The following ARSB variants were observed in gnomAD, a reference collection of about 807,000 sequenced individuals.
ARSB encodes N-acetylgalactosamine-4-sulfatase.
A neutral mutation model predicts 50.9 loss-of-function variants in ARSB; 41 were observed. The observed-to-expected ratio is 0.81, with a 90% CI of 0.63 to 1.04. ARSB has a LOEUF of 1.04. Among genes scored for constraint, ARSB ranks in the 50% least tolerant of loss-of-function variants. The probability of loss-of-function intolerance (pLI) is 0.00; values close to 1 mark genes in which losing one functional copy is unlikely to be tolerated. For synonymous variants in ARSB, 269 were observed against 284.8 expected (o/e 0.94, Z 0.56); for missense variants, 672 against 693.3 (o/e 0.97, Z 0.35).
intron 5 of ARSB, chr5:78,884,978 T>C (rs774382319): frequency 6.6e-6 from 1 of 152,618 alleles, no homozygotes; most frequent in Non-Finnish European, 1.5e-5. Flanking sequence ...TATCACAACA[T>C]ACTTTTTTGC....
intron 4 of ARSB, among the ~76,000 whole-genome samples, chr5:78,945,219 C>T (rs912792229): frequency 4.6e-5 from 7 of 152,178 alleles, no homozygotes; most frequent in Non-Finnish European, 8.8e-5. Context: ...TGACCCCTTG[C>T]GCTTCCCGGG....
At chr5:78,961,645 A>C (rs1268862975) in intron 3 of ARSB, among the ~76,000 whole-genome samples, 1 of 152,176 alleles carries the variant, frequency 6.6e-6, no homozygotes, top group East Asian at 1.9e-4. Flanking sequence ...ATGTTATGGA[A>C]CCCTGTGAGG....
intron 5 of ARSB, among the ~76,000 whole-genome samples, chr5:78,882,631 A>C (rs1445219121): frequency 6.6e-6 from 1 of 152,212 alleles, no homozygotes; most frequent in Non-Finnish European, 1.5e-5. Context: ...TAGTGTTTGC[A>C]GTAAGTTTCT....
intron 1 of ARSB, among the ~76,000 whole-genome samples, chr5:78,981,303 T>A (rs1752894077): frequency 6.6e-6 from 1 of 152,168 alleles, no homozygotes; most frequent in Admixed American, 6.6e-5. Flanking sequence ...TGCTAATTAG[T>A]CTCCTCCATT....
chr5:78,792,471 C>T (rs147857154), intron 6 of ARSB, among the ~76,000 whole-genome samples: 1 of 152,170 alleles, frequency 6.6e-6, no homozygotes, highest in African/African-American at 2.4e-5. Flanking sequence ...CCTATGCCAT[C>T]ACTCTAGTTC....
intron 5 of ARSB, among the ~76,000 whole-genome samples, chr5:78,849,935 T>C (rs1745671988): frequency 6.6e-6 from 1 of 151,542 alleles, no homozygotes; most frequent in South Asian, 2.1e-4. Context: ...TTGCTGAAGT[T>C]GCTTATCAGC....
At chr5:78,800,297 G>A (rs1209429191) in intron 6 of ARSB, among the ~76,000 whole-genome samples, 2 of 149,286 alleles carry the variant, frequency 1.3e-5, no homozygotes, top group African/African-American at 5.0e-5. Flanking sequence ...CAGCCCGGGT[G>A]ACAGAGCAAG....
intron 1 of ARSB, among the ~76,000 whole-genome samples, chr5:78,983,645 G>T (rs1438136058): frequency 6.6e-6 from 1 of 152,128 alleles, no homozygotes; most frequent in African/African-American, 2.4e-5. Flanking sequence ...AAGGTGGATG[G>T]TGAAGGGAAG....
chr5:78,810,668 G>A (rs1580991586), intron 6 of ARSB, among the ~76,000 whole-genome samples: 1 of 152,314 alleles, frequency 6.6e-6, no homozygotes, highest in Non-Finnish European at 1.5e-5. Context: ...TATTTAGGAT[G>A]CATTTTAAGA....
At chr5:78,930,042 T>A (rs1435979383) in intron 4 of ARSB, among the ~76,000 whole-genome samples, 1 of 152,084 alleles carries the variant, frequency 6.6e-6, no homozygotes, top group Non-Finnish European at 1.5e-5. Flanking sequence ...ACAGATGTGA[T>A]CTGAATGCAC....
At chr5:78,883,287 G>T (rs1747852565) in intron 5 of ARSB, 1 of 152,156 alleles carries the variant, frequency 6.6e-6, no homozygotes, top group African/African-American at 2.4e-5. Context: ...TGAGAGAAAA[G>T]GTTTTACTGC....
chr5:78,913,121 C>CTTTTTTTTTT (rs11440743), intron 4 of ARSB, among the ~76,000 whole-genome samples: 1 of 140,084 alleles, frequency 7.1e-6, no homozygotes, highest in Admixed American at 7.1e-5. Context: ...TTTTAATTCG[C>CTTTTTTTTTT]TTTTTTTTTT....
intron 6 of ARSB, among the ~76,000 whole-genome samples, chr5:78,784,488 C>T (rs1021430355): frequency 5.9e-5 from 9 of 152,100 alleles, no homozygotes; most frequent in Non-Finnish European, 1.0e-4. Flanking sequence ...ACTATTCATC[C>T]ACAAAAAAGA....
intron 6 of ARSB, among the ~76,000 whole-genome samples, chr5:78,799,163 T>C (rs1743282924): frequency 6.6e-6 from 1 of 152,188 alleles, no homozygotes. Context: ...GCAATTGACT[T>C]AGAATGAAAT....
At chr5:78,980,744 G>GTGTGTGTGTGTGTGTGTGTGTA (rs57536545) in intron 1 of ARSB, among the ~76,000 whole-genome samples, 9 of 151,502 alleles carry the variant, frequency 5.9e-5, no homozygotes, top group African/African-American at 1.9e-4. Flanking sequence ...ATGTGTGTGT[G>GTGTGTGTGTGTGTGTGTGTGTA]TGTGTGTGTG....
At chr5:78,883,722 G>C (rs1193550449) in intron 5 of ARSB, 1 of 152,170 alleles carries the variant, frequency 6.6e-6, no homozygotes, top group Admixed American at 6.5e-5. Flanking sequence ...AGGCCCATTA[G>C]AGAGGAACCC....
chr5:78,958,077 T>C (rs1342059525), intron 3 of ARSB, among the ~76,000 whole-genome samples: 1 of 152,112 alleles, frequency 6.6e-6, no homozygotes, highest in Non-Finnish European at 1.5e-5. Flanking sequence ...AACAAAAGGC[T>C]GGAGTATGAG....
At chr5:78,942,305 T>A (rs1309222432) in intron 4 of ARSB, among the ~76,000 whole-genome samples, 1 of 152,248 alleles carries the variant, frequency 6.6e-6, no homozygotes, top group Non-Finnish European at 1.5e-5. Flanking sequence ...TGATCTTAGT[T>A]ATTCCTTGCC....
intron 1 of ARSB, among the ~76,000 whole-genome samples, chr5:78,980,912 G>A (rs1450811274): frequency 6.6e-6 from 1 of 151,678 alleles, no homozygotes; most frequent in Non-Finnish European, 1.5e-5. Context: ...CCTAGCCTGA[G>A]TGTAGAGAGA....
Sources: gnomAD v4.1 joint callset for allele counts (sites outside exome capture counted in the v4.1 genomes callset) on GRCh38, gnomAD v4.1.1 for gene constraint, MANE v1.5 for transcripts, NCBI Gene and HGNC (gene_info 2026-07-23, HGNC 2026-07-21) for gene names.